Variants in AGO3 observed in about 807,000 individuals in gnomAD.
AGO3 encodes protein argonaute-3.
Under a neutral mutation model 105.5 loss-of-function variants are expected in AGO3, and 16 were observed. The observed-to-expected ratio is 0.15, with a 90% CI of 0.10 to 0.23. AGO3 has a LOEUF of 0.23. Among genes scored for constraint, AGO3 ranks in the 10% least tolerant of loss-of-function variants. The pLI is 1.00. For synonymous variants in AGO3, 340 were observed against 367.3 expected, an observed-to-expected ratio of 0.93 and a Z score of 0.85; for missense variants, 534 against 1,088.0, an observed-to-expected ratio of 0.49 and a Z score of 7.16.
At chr1:35,989,687 C>A (rs1336599804) in intron 5 of AGO3, among the ~76,000 whole-genome samples, 3 of 151,940 alleles carry the variant, frequency 2.0e-5, no homozygotes, top group East Asian at 3.9e-4. Flanking sequence ...CCAGCCTGGG[C>A]AAGATGGTGA....
intron 9 of AGO3, among the ~76,000 whole-genome samples, chr1:36,010,917 A>AAGAG (rs1181265369): frequency 6.7e-6 from 1 of 150,210 alleles, no homozygotes; most frequent in Non-Finnish European, 1.5e-5. Context: ...AAAAAAAAAA[A>AAGAG]AGAGAGAGAG....
intron 9 of AGO3, among the ~76,000 whole-genome samples, chr1:36,010,681 G>A (rs976034507): frequency 6.6e-6 from 1 of 151,796 alleles, no homozygotes; most frequent in Admixed American, 6.6e-5. Flanking sequence ...GCCGAGGGGG[G>A]CGGATCACCT....
At chr1:35,973,728 AAG>A in intron 5 of AGO3, 1 of 374,316 alleles carries the variant, frequency 2.7e-6, no homozygotes. Flanking sequence ...CAAGCACATG[AAG>A]ACAGATTTAA....
intron 5 of AGO3, among the ~76,000 whole-genome samples, chr1:35,997,225 A>G (rs1639870292): frequency 6.6e-6 from 1 of 151,410 alleles, no homozygotes. Flanking sequence ...GTTGGAGTGA[A>G]CTGAGATCAT....
At chr1:36,044,380 C>T (rs1159643152) in intron 17 of AGO3, among the ~76,000 whole-genome samples, 1 of 151,690 alleles carries the variant, frequency 6.6e-6, no homozygotes, top group Admixed American at 6.6e-5. Context: ...TGTAGAATTA[C>T]AGCTTTAGTT....
chr1:35,939,224 T>G (rs910828288), intron 1 of AGO3, among the ~76,000 whole-genome samples: 3 of 152,164 alleles, frequency 2.0e-5, no homozygotes, highest in African/African-American at 7.2e-5. Context: ...TTCATAATAT[T>G]CTGGATATTA....
chr1:35,996,631 T>C (rs1184650019), intron 5 of AGO3, among the ~76,000 whole-genome samples: 3 of 151,542 alleles, frequency 2.0e-5, no homozygotes, highest in Non-Finnish European at 4.4e-5. Context: ...ATTAGGCAGG[T>C]GTGGTGGTGG....
chr1:35,931,022 T>C (rs1267185707), upstream of AGO3: 2 of 367,142 alleles, frequency 5.4e-6, no homozygotes, highest in Middle Eastern at 1.4e-3. Flanking sequence ...CCGGCACGGC[T>C]CGGGGCCCAG....
intron 14 of AGO3, among the ~76,000 whole-genome samples, chr1:36,037,690 A>G (rs774619547): frequency 1.3e-5 from 2 of 152,148 alleles, no homozygotes; most frequent in African/African-American, 2.4e-5. Context: ...ATTAATTTTT[A>G]TCTATTAATT....
At chr1:35,938,612 T>A (rs561189119) in intron 1 of AGO3, among the ~76,000 whole-genome samples, 1 of 152,310 alleles carries the variant, frequency 6.6e-6, no homozygotes, top group Non-Finnish European at 1.5e-5. Context: ...ATCAGTCTCA[T>A]TGATAGTGGT....
rs1643160945 is a variant in AGO3 at position 36,071,275 on chromosome 1, T to C, written c.*15530T>C. ...ATAGCATTCTTTTAAAAGGGGCTTT[T>C]CTGAAGAGTAAAATGTAAATACAGG... On this transcript the variant is annotated 3_prime_UTR_variant, in exon 19 of 19. Transcript: ENST00000373191. The C allele has an allele frequency of 6.6e-6, 1 of 152,200 alleles. No individual in the cohort carries two copies. Among genetic ancestry groups the C allele is most frequent in the Non-Finnish European group, 1.5e-5 (1 of 68,034 alleles). 9.4% of individuals were successfully genotyped at this position (152,200 alleles called of 1,614,324 possible). A position where few individuals can be genotyped will look rare whatever the true frequency, so the allele number is the denominator to read the frequency against.
chr1:35,967,224 TAAAGA>T (rs1472803862), intron 3 of AGO3, 149 bp downstream of exon 3: 75 of 1,145,426 alleles, frequency 6.5e-5, no homozygotes, highest in Non-Finnish European at 8.6e-5. Context: ...ATTTCAAACT[TAAAGA>T]AAAGTTGCAG....
chr1:36,013,858 C>T, intron 10 of AGO3, 57 bp from the exon 11 acceptor site: 2 of 1,601,942 alleles, frequency 1.2e-6, no homozygotes, highest in South Asian at 1.1e-5. Flanking sequence ...TGTTTACTTT[C>T]TGTTTATTGA....
chr1:36,019,759 G>A (rs1641116308), intron 11 of AGO3, among the ~76,000 whole-genome samples: 1 of 149,250 alleles, frequency 6.7e-6, no homozygotes, highest in Admixed American at 6.6e-5. Flanking sequence ...ATATATGTAA[G>A]GTGTTTGTTT....
chr1:35,958,931 G>A (rs972173809), intron 2 of AGO3, among the ~76,000 whole-genome samples: 3 of 152,170 alleles, frequency 2.0e-5, no homozygotes, highest in Non-Finnish European at 4.4e-5. Flanking sequence ...TTGTAGCCAT[G>A]GATAATGTCA....
At chr1:35,936,057 C>G (rs925735134) in intron 1 of AGO3, among the ~76,000 whole-genome samples, 2 of 152,122 alleles carry the variant, frequency 1.3e-5, no homozygotes, top group Non-Finnish European at 2.9e-5. Context: ...CCTTCTAATT[C>G]AGTTGTCTTG....
intron 5 of AGO3, among the ~76,000 whole-genome samples, chr1:36,000,191 G>A (rs1284307982): frequency 6.6e-6 from 1 of 152,024 alleles, no homozygotes. Context: ...TGAAAGGGAA[G>A]GAAGGAATAA....
At chr1:36,013,880 C>CT (rs1219498633) in intron 10 of AGO3, 35 bp from the exon 11 acceptor site, 1 of 1,600,134 alleles carries the variant, frequency 6.2e-7, no homozygotes, top group Non-Finnish European at 8.5e-7. Context: ...AATTTTTGTT[C>CT]TTTTTCACCA....
rs767375430 is a variant in AGO3, at chr1:36,013,717, G to A, written c.1237G>A (p.Val413Ile). 35 of 1,613,998 alleles carry A rather than the reference G, an allele frequency of 2.2e-5. No homozygotes were observed. Among genetic ancestry groups the A allele is most frequent in the Middle Eastern group, 1.6e-4 (1 of 6,084 alleles). Reference protein sequence around the residue: ...RDEMAHVTGRVLPAPMLQYGG... With the variant: ...RDEMAHVTGRILPAPMLQYGG... ...TGAAATGGCTCATGTAACTGGACGC[G>A]TACTTCCAGCACCTATGCTCCAGTA... Residue 413 changes from valine (V) to isoleucine (I), a missense_variant, in exon 10 of 19, where the codon GTA becomes ATA. By Grantham distance (29) the Val-to-Ile change is conservative. Transcript: ENST00000373191.
Sources: allele counts gnomAD v4.1 joint callset (sites outside exome capture counted in the v4.1 genomes callset), GRCh38; gene constraint gnomAD v4.1.1; transcripts MANE v1.5; gene names NCBI Gene and HGNC (gene_info 2026-07-23, HGNC 2026-07-21).